The following ARMC9 variants were observed in gnomAD, a reference collection of about 807,000 sequenced individuals.
The protein encoded by ARMC9 is armadillo repeat containing 9.
Under a neutral mutation model 107.0 loss-of-function variants are expected in ARMC9, and 94 were observed. The observed-to-expected ratio is 0.88, with a 90% CI of 0.74 to 1.04. ARMC9 has a LOEUF of 1.04. Among genes scored for constraint, ARMC9 ranks in the 50% least tolerant of loss-of-function variants. The pLI, the probability that ARMC9 is intolerant of heterozygous loss-of-function variation, is 0.00. For synonymous variants in ARMC9, 380 were observed against 396.9 expected, an observed-to-expected ratio of 0.96 and a Z score of 0.51; for missense variants, 942 against 1,030.1, an observed-to-expected ratio of 0.91 and a Z score of 1.17.
At chr2:231,266,934 T>G (rs1289055217) in intron 12 of ARMC9, among the ~76,000 whole-genome samples, 3 of 152,256 alleles carry the variant, frequency 2.0e-5, no homozygotes, top group Non-Finnish European at 4.4e-5. Context: ...TTGCTTTTCT[T>G]TATAGTTTTC....
At position 231,222,999 on chromosome 2, in the gene ARMC9, A is replaced by T. The variant is rs79096906; in HGVS notation, c.597+179A>T. On this transcript the variant is annotated intron_variant, in intron 6 of 24. Coordinates refer to ENST00000611582, the MANE Select transcript of ARMC9 (RefSeq NM_001352754.2). ...GCAGGGCCTATAGAGATCAACTTCT[A>T]TATCATTGGATCTCTGAGACTTTCT... Among the ~76,000 whole-genome samples the T allele has an allele frequency of 5.2e-3, 787 of 152,302 alleles. 6 individuals carry two copies. Among genetic ancestry groups the T allele is most frequent in the African/African-American group, 0.018 (736 of 41,558 alleles).
chr2:231,282,169 T>C, intron 17 of ARMC9, 36 bp downstream of exon 17: 1 of 1,602,544 alleles, frequency 6.2e-7, no homozygotes, highest in Non-Finnish European at 8.6e-7. Context: ...GTGAGCTTCC[T>C]TTAGTGCCAC....
At chr2:231,367,339 C>T (rs1450178260) in intron 23 of ARMC9, among the ~76,000 whole-genome samples, 3 of 152,084 alleles carry the variant, frequency 2.0e-5, no homozygotes, top group African/African-American at 7.2e-5. Flanking sequence ...CTCAGCTGAC[C>T]CTGACCCTGC....
chr2:231,321,854 C>A (rs1192978662), intron 19 of ARMC9, among the ~76,000 whole-genome samples: 2 of 152,186 alleles, frequency 1.3e-5, no homozygotes, highest in Non-Finnish European at 2.9e-5. Context: ...TCCTGTCCCA[C>A]TGAGCCTCCA....
At chr2:231,240,356 A>G (rs1260534379) in intron 9 of ARMC9, among the ~76,000 whole-genome samples, 5 of 152,180 alleles carry the variant, frequency 3.3e-5, no homozygotes. Flanking sequence ...GCACTGCCAT[A>G]GTGGAAATTG....
intron 24 of ARMC9, among the ~76,000 whole-genome samples, chr2:231,370,396 A>G (rs949707716): frequency 1.3e-5 from 2 of 152,222 alleles, no homozygotes; most frequent in African/African-American, 4.8e-5. Context: ...ACCTCCAGGC[A>G]GGTCACTGAG....
At chr2:231,202,466 G>A (rs1012587787) in intron 1 of ARMC9, among the ~76,000 whole-genome samples, 1 of 151,600 alleles carries the variant, frequency 6.6e-6, no homozygotes, top group Admixed American at 6.6e-5. Flanking sequence ...GGGATTACAG[G>A]CACACACCAC....
chr2:231,224,641 G>A (rs2034471599), intron 6 of ARMC9, among the ~76,000 whole-genome samples: 1 of 152,200 alleles, frequency 6.6e-6, no homozygotes, highest in Admixed American at 6.5e-5. Context: ...TGAAGCATAT[G>A]CTGAAATATA....
rs1021387778 is a variant in ARMC9 at position 231,275,237 on chromosome 2, A to G, written c.1335-1399A>G. On this transcript the variant is annotated intron_variant, in intron 14 of 24. Transcript: ENST00000611582. ...TAAGCCACCCTGATTGGGTCAGTGTAGTGTTTAAGAACAGGATGAACGGAT... is the reference window on the plus strand; with the variant it reads ...TAAGCCACCCTGATTGGGTCAGTGTGGTGTTTAAGAACAGGATGAACGGAT... Among the ~76,000 whole-genome samples the G allele has an allele frequency of 2.0e-5, 3 of 152,190 alleles. 1 individual carries two copies. Among genetic ancestry groups the G allele is most frequent in the South Asian group, 4.1e-4 (2 of 4,830 alleles).
chr2:231,273,027 A>T lies in ARMC9; in HGVS notation c.1283A>T (p.Asp428Val), dbSNP rs776764307. The T allele has an allele frequency of 1.3e-5, 21 of 1,613,872 alleles. No individual in the cohort carries two copies. The highest frequency in any genetic ancestry group is 1.7e-5 in the Non-Finnish European group (20 of 1,179,934). Residue 428 changes from aspartate to valine, a missense_variant, in exon 14 of 25, where the codon GAT becomes GTT. Transcript: ENST00000611582. The part of the protein sequence containing the change: ...LEGRLKEEDK[D>V]IITRENVLGA... ...GGAAGGCTGAAGGAGGAGGACAAGG[A>T]TATCATCACCAGGGAGAATGTTCTT...
At chr2:231,208,446 A>G (rs1024675816) in intron 3 of ARMC9, among the ~76,000 whole-genome samples, 194 bp downstream of exon 3, 3 of 152,240 alleles carry the variant, frequency 2.0e-5, no homozygotes, top group Non-Finnish European at 4.4e-5. Flanking sequence ...ATGTGTGGCC[A>G]TATAAGATCT....
chr2:231,262,260 C>T (rs2038434762), intron 11 of ARMC9, 46 bp from the exon 12 acceptor site: 1 of 1,582,704 alleles, frequency 6.3e-7, no homozygotes, highest in Non-Finnish European at 8.7e-7. Flanking sequence ...AACTTTTCTC[C>T]ATGATAAGAC....
At chr2:231,307,540 G>A (rs113290924) in intron 19 of ARMC9, among the ~76,000 whole-genome samples, 19 of 152,326 alleles carry the variant, frequency 1.2e-4, no homozygotes, top group African/African-American at 3.4e-4. Context: ...AAGCATCAGC[G>A]TAGAGGGAAT....
intron 21 of ARMC9, among the ~76,000 whole-genome samples, chr2:231,347,909 A>G (rs1014397413): frequency 6.6e-6 from 1 of 152,256 alleles, no homozygotes; most frequent in African/African-American, 2.4e-5. Context: ...GCATTTAAAA[A>G]TAAGTCTGGC....
intron 21 of ARMC9, among the ~76,000 whole-genome samples, chr2:231,346,048 C>T (rs2044800069): frequency 6.6e-6 from 1 of 152,210 alleles, no homozygotes; most frequent in Non-Finnish European, 1.5e-5. Flanking sequence ...ATAAATGTTT[C>T]AGGGCCCGTG....
At chr2:231,330,434 G>A (rs551062478) in intron 19 of ARMC9, among the ~76,000 whole-genome samples, 6 of 152,092 alleles carry the variant, frequency 3.9e-5, no homozygotes, top group Non-Finnish European at 8.8e-5. Flanking sequence ...AGAGTGCCCC[G>A]TCACTCACTG....
chr2:231,341,837 C>A (rs557768991), intron 20 of ARMC9, among the ~76,000 whole-genome samples: 1 of 152,134 alleles, frequency 6.6e-6, no homozygotes, highest in South Asian at 2.1e-4. Flanking sequence ...AAATAATATG[C>A]TCTTTTTTTA....
chr2:231,240,235 G>C, intron 9 of ARMC9, 194 bp downstream of exon 9: 1 of 599,528 alleles, frequency 1.7e-6, no homozygotes, highest in Non-Finnish European at 2.9e-6. Flanking sequence ...GCCTCCTAGG[G>C]AGGGTGAGGA....
intron 11 of ARMC9, among the ~76,000 whole-genome samples, chr2:231,259,613 CCA>C (rs2038151703): frequency 2.6e-5 from 4 of 152,202 alleles, no homozygotes; most frequent in African/African-American, 9.7e-5. Flanking sequence ...CAGACCCTTT[CCA>C]CTCTCAACAA....
Sources: gnomAD v4.1 joint callset for allele counts (sites outside exome capture counted in the v4.1 genomes callset) on GRCh38, gnomAD v4.1.1 for gene constraint, MANE v1.5 for transcripts, NCBI Gene and HGNC (gene_info 2026-07-23, HGNC 2026-07-21) for gene names.